The following SLC38A11 variants were observed in gnomAD, a reference collection of about 807,000 sequenced individuals.
SLC38A11 encodes the protein solute carrier family 38 member 11.
SLC38A11 carries 51 observed loss-of-function variants against 49.4 expected under a neutral mutation model. The observed-to-expected ratio is 1.03, with a 90% CI of 0.83 to 1.30. SLC38A11 has a LOEUF of 1.30. SLC38A11 is among the 50% of genes most tolerant of loss of function. SLC38A11 has a pLI of 0.00. For synonymous variants in SLC38A11, 203 were observed against 192.9 expected (o/e 1.05, Z -0.43); for missense variants, 574 against 556.2 (o/e 1.03, Z -0.32).
At chr2:164,929,435 T>A (rs1203513927) in intron 7 of SLC38A11, among the ~76,000 whole-genome samples, 1 of 152,140 alleles carries the variant, frequency 6.6e-6, no homozygotes, top group Non-Finnish European at 1.5e-5. Flanking sequence ...ACATCTTTGT[T>A]ATAGCCAATC....
intron 3 of SLC38A11, among the ~76,000 whole-genome samples, chr2:164,951,247 A>G (rs1001378976): frequency 2.0e-5 from 3 of 152,116 alleles, no homozygotes; most frequent in Non-Finnish European, 4.4e-5. Flanking sequence ...AATGTATGTA[A>G]ATGTTTACAA....
intron 7 of SLC38A11, among the ~76,000 whole-genome samples, chr2:164,926,173 G>A (rs1380975045): frequency 1.3e-5 from 2 of 152,084 alleles, no homozygotes; most frequent in East Asian, 3.9e-4. Flanking sequence ...GCCTCCACTG[G>A]AAGAGAAGTC....
intron 3 of SLC38A11, chr2:164,949,976 C>A (rs1688412827): frequency 6.6e-6 from 1 of 150,818 alleles, no homozygotes. Flanking sequence ...AGAGTTCAGG[C>A]TGAAGTTTTA....
Position 164,951,289 on chromosome 2 carries a change from G to A in SLC38A11, c.229+1418C>T, listed in dbSNP as rs554140666. Among the ~76,000 whole-genome samples the A allele has an allele frequency of 1.8e-4, 27 of 152,232 alleles. 1 individual carries two copies. Among genetic ancestry groups the A allele is most frequent in the Admixed American group, 4.6e-4 (7 of 15,298 alleles). On this transcript the variant is annotated intron_variant, in intron 3 of 11. Transcript: ENST00000685975. ...TAAATAAACCATAGTGATTATGGTG[G>A]AAATCAATTATTTGTCAGTGCTGAT...
At chr2:164,908,535 C>A in intron 11 of SLC38A11, 105 bp downstream of exon 11, 1 of 1,088,356 alleles carries the variant, frequency 9.2e-7, no homozygotes. Flanking sequence ...GATTCCACTT[C>A]AAAAGTGACA....
chr2:164,937,792 T>C (rs562334535), intron 6 of SLC38A11: 1 of 163,980 alleles, frequency 6.1e-6, no homozygotes, highest in Non-Finnish European at 1.3e-5. Context: ...CTTATTTTAG[T>C]GTTGACATGT....
At chr2:164,943,335 G>A (rs1046812669) in intron 5 of SLC38A11, among the ~76,000 whole-genome samples, 5 of 152,116 alleles carry the variant, frequency 3.3e-5, no homozygotes, top group African/African-American at 9.7e-5. Flanking sequence ...AACTGGAAAC[G>A]ACACAAATGT....
chr2:164,923,757 A>C (rs1434795607), intron 7 of SLC38A11, among the ~76,000 whole-genome samples: 1 of 151,904 alleles, frequency 6.6e-6, no homozygotes, highest in Admixed American at 6.6e-5. Flanking sequence ...TGATTGCACC[A>C]CTGCACTCCA....
At chr2:164,926,217 C>T (rs767922432) in intron 7 of SLC38A11, among the ~76,000 whole-genome samples, 13 of 152,170 alleles carry the variant, frequency 8.5e-5, no homozygotes, top group Non-Finnish European at 1.8e-4. Context: ...AGTTACTCAC[C>T]TGTTTAAGAA....
intron 7 of SLC38A11, among the ~76,000 whole-genome samples, chr2:164,930,011 T>A (rs1416558606): frequency 6.6e-6 from 1 of 150,604 alleles, no homozygotes; most frequent in Non-Finnish European, 1.5e-5. Context: ...CCAGCTAGAC[T>A]AATAAAGATG....
chr2:164,937,433 TA>T lies in SLC38A11; in HGVS notation c.538-5del. On this transcript the variant is annotated splice_region_variant and splice_polypyrimidine_tract_variant and intron_variant, in intron 6 of 11. Coordinates refer to ENST00000685975, the MANE Select transcript of SLC38A11 (RefSeq NM_001351537.2). Reference sequence around the variant, plus strand: ...AACCTGTAGAGATGAGGGAGACCTGTAAAAGAAAATACAAGGATATTGCCGG... The same window carrying T: ...AACCTGTAGAGATGAGGGAGACCTGTAAAGAAAATACAAGGATATTGCCGG... 1 of 1,568,210 alleles carries T rather than the reference TA, an allele frequency of 6.4e-7. No homozygotes were observed. The highest frequency in any genetic ancestry group is 8.8e-7 in the Non-Finnish European group (1 of 1,140,184).
intron 7 of SLC38A11, among the ~76,000 whole-genome samples, chr2:164,932,183 G>A (rs1216726607): frequency 1.3e-5 from 2 of 152,104 alleles, no homozygotes; most frequent in African/African-American, 4.8e-5. Context: ...GATCATTAAA[G>A]AAATGTGAAT....
intron 4 of SLC38A11, among the ~76,000 whole-genome samples, chr2:164,945,270 T>TC (rs1688025041): frequency 6.6e-6 from 1 of 151,808 alleles, no homozygotes; most frequent in Admixed American, 6.6e-5. Context: ...TTTTTTTTTT[T>TC]TAAAGTATTA....
intron 7 of SLC38A11, among the ~76,000 whole-genome samples, chr2:164,934,143 T>C (rs889564125): frequency 2.6e-5 from 4 of 152,050 alleles, no homozygotes; most frequent in Admixed American, 6.6e-5. Context: ...GCTTATATGA[T>C]AGTCATTTGT....
At chr2:164,955,179 C>T (rs1306959846) in intron 1 of SLC38A11, 30 bp downstream of exon 1, 19 of 1,549,300 alleles carry the variant, frequency 1.2e-5, no homozygotes, top group Admixed American at 2.0e-5. Context: ...GGACAACTGG[C>T]TTCAGAACCT....
In SLC38A11 at chr2:164,947,117, C is replaced by CTTT. The variant is rs200284770; in HGVS notation, c.230-1393_230-1391dup. Among the ~76,000 whole-genome samples, 193 of 72,838 alleles carry CTTT rather than the reference C, an allele frequency of 2.6e-3. 7 individuals are homozygous for CTTT. The highest frequency in any genetic ancestry group is 3.3e-3 in the African/African-American group (43 of 12,976). 47.8% of individuals were successfully genotyped at this position (72,838 alleles called of 152,430 possible). On this transcript the variant is annotated intron_variant, in intron 3 of 11. Transcript: ENST00000685975. The stretch of plus-strand genomic sequence containing the variant: ...CCTGGATTCTTGGACTTTTTTATCT[C>CTTT]TTTTTTTTTTTTTTTTTTTTTTTTT...
chr2:164,916,747 A>G (rs1039237310), intron 7 of SLC38A11, among the ~76,000 whole-genome samples: 5 of 152,208 alleles, frequency 3.3e-5, no homozygotes, highest in African/African-American at 1.2e-4. Flanking sequence ...GAAACAGGCT[A>G]CATCCTAGTG....
Position 164,930,483 on chromosome 2 carries a change from G to T in SLC38A11, c.617+6867C>A, listed in dbSNP as rs189314119. Among the ~76,000 whole-genome samples, 637 of 152,030 alleles carry T rather than the reference G, an allele frequency of 4.2e-3. 3 individuals carry two copies. The highest frequency in any genetic ancestry group is 0.015 in the African/African-American group (621 of 41,498). ...AAAACTTCAGGCCAATATCTTTGGT[G>T]AACATCAATGCAAAAATACTCAACA... is the stretch of plus-strand genomic sequence containing the variant. On this transcript the variant is annotated intron_variant, in intron 7 of 11. Coordinates refer to ENST00000685975, the MANE Select transcript of SLC38A11 (RefSeq NM_001351537.2).
intron 7 of SLC38A11, among the ~76,000 whole-genome samples, chr2:164,933,181 C>T (rs1257738730): frequency 6.6e-6 from 1 of 151,854 alleles, no homozygotes; most frequent in Non-Finnish European, 1.5e-5. Flanking sequence ...TAAATTTGGA[C>T]TGCATGTTAT....
Sources: allele counts gnomAD v4.1 joint callset (sites outside exome capture counted in the v4.1 genomes callset), GRCh38; gene constraint gnomAD v4.1.1; transcripts MANE v1.5; gene names NCBI Gene and HGNC (gene_info 2026-07-23, HGNC 2026-07-21).